ARHGAP25: variants seen among roughly 807,000 people sequenced by gnomAD.
ARHGAP25 encodes the protein rho GTPase-activating protein 25.
In ARHGAP25, 34 loss-of-function variants were observed where a neutral mutation model predicts 71.0. The observed-to-expected ratio is 0.48, with a 90% CI of 0.36 to 0.64. ARHGAP25 has a LOEUF of 0.64. Among genes scored for constraint, ARHGAP25 ranks in the 30% least tolerant of loss-of-function variants. ARHGAP25 has a pLI of 0.00. For missense variants in ARHGAP25, 706 were observed against 805.1 expected (o/e 0.88, Z 1.49); for synonymous variants, 282 against 296.5 (o/e 0.95, Z 0.50).
At position 68,787,978 on chromosome 2, in the gene ARHGAP25, C is replaced by A. The variant is rs199781587; in HGVS notation, c.466+22C>A. Reference sequence around the variant, plus strand: ...GGAGGTAAGGACCCCTGCAGGCTTTCCTGGGCAGGTGCCTATGACATCTCA... The same window carrying A: ...GGAGGTAAGGACCCCTGCAGGCTTTACTGGGCAGGTGCCTATGACATCTCA... On this transcript the variant is annotated intron_variant, in intron 4 of 10. Coordinates refer to ENST00000409202, the MANE Select transcript of ARHGAP25 (RefSeq NM_001007231.3). 496 of 1,589,870 alleles carry A rather than the reference C, an allele frequency of 3.1e-4. 3 individuals carry two copies. Among genetic ancestry groups the A allele is most frequent in the South Asian group, 2.9e-3 (263 of 90,636 alleles).
intron 1 of ARHGAP25, among the ~76,000 whole-genome samples, chr2:68,756,960 GAGAT>G (rs1177408145): frequency 1.3e-5 from 2 of 151,478 alleles, no homozygotes; most frequent in Admixed American, 6.6e-5. Context: ...TATCAAAAAA[GAGAT>G]AGAAAACATA....
At chr2:68,731,058 A>G (rs1167857434), upstream of ARHGAP25, among the ~76,000 whole-genome samples, 1 of 152,130 alleles carries the variant, frequency 6.6e-6, no homozygotes, top group African/African-American at 2.4e-5. Context: ...CTTCTTGTTT[A>G]ATCAGCATCC....
intron 1 of ARHGAP25, among the ~76,000 whole-genome samples, chr2:68,751,058 T>A (rs1466560779): frequency 2.0e-5 from 3 of 152,240 alleles, no homozygotes; most frequent in Non-Finnish European, 4.4e-5. Flanking sequence ...TAGAAGGACT[T>A]GTTTTTGGAA....
intron 2 of ARHGAP25, among the ~76,000 whole-genome samples, chr2:68,716,338 C>T (rs1674607890): frequency 6.6e-6 from 1 of 152,224 alleles, no homozygotes; most frequent in African/African-American, 2.4e-5. Flanking sequence ...AGGAGGAGAG[C>T]TGCCCAGCAA....
At position 68,756,464 on chromosome 2, in the gene ARHGAP25, C is replaced by T. The variant is rs1377235036; in HGVS notation, c.62-18757C>T. ...GAGCTTGTGCCTTTTCCTGTGTCTCCTTCATTTTTCTCCTTTTCCCTTTTT... is the reference window on the plus strand; with the variant it reads ...GAGCTTGTGCCTTTTCCTGTGTCTCTTTCATTTTTCTCCTTTTCCCTTTTT... On this transcript the variant is annotated intron_variant, in intron 1 of 10. Coordinates refer to ENST00000409202, the MANE Select transcript of ARHGAP25 (RefSeq NM_001007231.3). Among the ~76,000 whole-genome samples, 5 of 152,200 alleles carry T rather than the reference C, an allele frequency of 3.3e-5. No homozygotes were observed. In the East Asian group the frequency reaches 9.6e-4, roughly 29 times the overall value.
chr2:68,759,866 T>G (rs1676695337), intron 1 of ARHGAP25, among the ~76,000 whole-genome samples: 1 of 151,992 alleles, frequency 6.6e-6, no homozygotes, highest in African/African-American at 2.4e-5. Flanking sequence ...ACCTTGATAT[T>G]AAAGCCAGAC....
intron 3 of ARHGAP25, among the ~76,000 whole-genome samples, chr2:68,783,084 A>G (rs2104391870): frequency 6.6e-6 from 1 of 152,308 alleles, no homozygotes; most frequent in Middle Eastern, 3.4e-3. Context: ...CACTCACACA[A>G]GGTGACTGTG....
At chr2:68,768,872 G>C (rs572858401) in intron 1 of ARHGAP25, among the ~76,000 whole-genome samples, 25 of 152,162 alleles carry the variant, frequency 1.6e-4, no homozygotes, top group African/African-American at 5.3e-4. Context: ...TTCCTTTCTT[G>C]CTTCCATGAA....
chr2:68,802,407 CAAAAA>C (rs10688959), intron 4 of ARHGAP25, among the ~76,000 whole-genome samples: 3 of 82,152 alleles, frequency 3.7e-5, no homozygotes, highest in Non-Finnish European at 6.6e-5. Context: ...GACTCCATCT[CAAAAA>C]AAAAAAAAAA....
At chr2:68,789,035 T>C (rs7600708) in intron 4 of ARHGAP25, among the ~76,000 whole-genome samples, 7,530 of 152,010 alleles carry the variant, frequency 0.05, 625 homozygotes, top group African/African-American at 0.17. Flanking sequence ...GGAATCTTTT[T>C]CTTTTTTTTT....
intron 7 of ARHGAP25, 94 bp from the exon 8 acceptor site, chr2:68,817,779 A>G (rs960014972): frequency 6.8e-7 from 1 of 1,471,828 alleles, no homozygotes; most frequent in Non-Finnish European, 9.4e-7. Context: ...GGAGGAAAGC[A>G]TTGGATCCAT....
Position 68,767,925 on chromosome 2 carries a change from C to T in ARHGAP25, c.62-7296C>T, listed in dbSNP as rs1283629905. Among the ~76,000 whole-genome samples the T allele has an allele frequency of 6.6e-6, 1 of 152,178 alleles. No homozygotes were observed. The highest frequency in any genetic ancestry group is 1.9e-4 in the East Asian group (1 of 5,196). On this transcript the variant is annotated intron_variant, in intron 1 of 10. Coordinates refer to ENST00000409202, the MANE Select transcript of ARHGAP25 (RefSeq NM_001007231.3). This position sits in a 1 kb window ranked among gnomAD's most constrained non-coding sequence, Gnocchi z 4.6. Reference sequence around the variant, plus strand: ...AGGTTAGGAGTAGTGGCTTTGTTCCCAGCTCAGTGAAAGGTGGCATGGTCT... The same window carrying T: ...AGGTTAGGAGTAGTGGCTTTGTTCCTAGCTCAGTGAAAGGTGGCATGGTCT...
chr2:68,772,821 A>G (rs980511266), intron 1 of ARHGAP25, among the ~76,000 whole-genome samples: 5 of 152,248 alleles, frequency 3.3e-5, no homozygotes, highest in African/African-American at 1.2e-4. Flanking sequence ...CTGAGGAGCA[A>G]GATCTCAGAT....
At chr2:68,823,007 A>T in intron 10 of ARHGAP25, 135 bp downstream of exon 10, 1 of 924,116 alleles carries the variant, frequency 1.1e-6, no homozygotes, top group South Asian at 1.9e-5. Flanking sequence ...GCAGGCCTAG[A>T]AAGAAAAGAG....
chr2:68,734,111 A>G (rs1472737200), upstream of ARHGAP25, among the ~76,000 whole-genome samples: 2 of 152,198 alleles, frequency 1.3e-5, no homozygotes, highest in Non-Finnish European at 2.9e-5. Context: ...AGGTTGAATT[A>G]ATGTGTGTGG....
intron 4 of ARHGAP25, among the ~76,000 whole-genome samples, chr2:68,792,025 T>G (rs74407085): frequency 0.056 from 8,488 of 152,238 alleles, 325 homozygotes; most frequent in East Asian, 0.15. Flanking sequence ...AAGGCAGGCA[T>G]GCCTTCTCTG....
At chr2:68,711,191 G>T (rs937016042) in intron 2 of ARHGAP25, among the ~76,000 whole-genome samples, 5 of 152,144 alleles carry the variant, frequency 3.3e-5, no homozygotes, top group African/African-American at 1.2e-4. Context: ...TTTCTCTTCA[G>T]CCTTGGTGCT....
intron 6 of ARHGAP25, among the ~76,000 whole-genome samples, chr2:68,814,164 C>G (rs1311831895): frequency 6.6e-6 from 1 of 152,122 alleles, no homozygotes; most frequent in East Asian, 1.9e-4. Flanking sequence ...TGTTAAAAGC[C>G]CTCTCTGGCA....
At chr2:68,787,186 T>A (rs1678819971) in intron 3 of ARHGAP25, among the ~76,000 whole-genome samples, 1 of 152,218 alleles carries the variant, frequency 6.6e-6, no homozygotes, top group Non-Finnish European at 1.5e-5. Flanking sequence ...TTTGGTCCAT[T>A]TGAGAACACC....
Sources: allele counts gnomAD v4.1 joint callset (sites outside exome capture counted in the v4.1 genomes callset), GRCh38; gene constraint gnomAD v4.1.1; non-coding constraint Gnocchi (gnomAD v3.1); transcripts MANE v1.5; gene names NCBI Gene and HGNC (gene_info 2026-07-23, HGNC 2026-07-21).